The following ESRP1 variants were observed in gnomAD, a reference collection of about 807,000 sequenced individuals.
The protein encoded by ESRP1 is RNA-binding motif protein 35A.
Under a neutral mutation model 81.7 loss-of-function variants are expected in ESRP1, and 33 were observed. The ratio of observed to expected loss-of-function variants is 0.40; its 90% CI spans 0.31 to 0.54. The LOEUF (loss-of-function observed/expected upper bound fraction) is 0.54. ESRP1 is among the 20% of genes least tolerant of loss of function. The probability of loss-of-function intolerance (pLI) is 0.41; values close to 1 mark genes in which losing one functional copy is unlikely to be tolerated. For missense variants in ESRP1, 672 were observed against 833.1 expected (o/e 0.81, Z 2.38); for synonymous variants, 320 against 303.3 (o/e 1.06, Z -0.57).
chr8:94,681,871 T>G (rs1440359191), intron 13 of ESRP1, among the ~76,000 whole-genome samples: 2 of 149,556 alleles, frequency 1.3e-5, no homozygotes, highest in African/African-American at 2.5e-5. Context: ...GAGGCGGTGG[T>G]TGCAGTGAGC....
At chr8:94,677,025 G>A (rs1405130012) in intron 12 of ESRP1, among the ~76,000 whole-genome samples, 2 of 152,010 alleles carry the variant, frequency 1.3e-5, no homozygotes, top group Non-Finnish European at 2.9e-5. Context: ...TATGAGCACA[G>A]GCTGTATAAC....
intron 6 of ESRP1, among the ~76,000 whole-genome samples, chr8:94,663,234 A>G (rs746959110): frequency 2.6e-5 from 4 of 152,224 alleles, no homozygotes; most frequent in East Asian, 1.9e-4. Context: ...CGTACATTCT[A>G]TAAGTACATT....
chr8:94,671,611 C>G lies in ESRP1; in HGVS notation c.1392C>G (p.Phe464Leu). The G allele has an allele frequency of 6.2e-7, 1 of 1,613,916 alleles. No individual in the cohort carries two copies. Among genetic ancestry groups the G allele is most frequent in the Non-Finnish European group, 8.5e-7 (1 of 1,179,878 alleles). ...CCACAATTGAGGACATCCTGGATTT[C>G]CTGGGGGAGTTCGCCACAGATATTC... Reference protein sequence around the residue: ...YAATIEDILDFLGEFATDIRT... With the variant: ...YAATIEDILDLLGEFATDIRT... The change falls in exon 11 of 16, where the codon TTC becomes TTG. Residue 464 changes from phenylalanine (F) to leucine (L), a missense_variant. Physicochemically the swap from Phe to Leu is conservative, Grantham distance 22. Coordinates refer to ENST00000433389, the MANE Select transcript of ESRP1 (RefSeq NM_017697.4).
intron 15 of ESRP1, among the ~76,000 whole-genome samples, chr8:94,699,625 G>A (rs948014568): frequency 6.6e-6 from 1 of 152,124 alleles, no homozygotes; most frequent in African/African-American, 2.4e-5. Flanking sequence ...GGGTGACAAA[G>A]AGCAAGACCC....
rs1338078008 is a variant in ESRP1 at position 94,706,081 on chromosome 8, T to C, written c.*192T>C. ...TATCTTTTGGTGGAGTGAAAAAATT[T>C]GAGCTAGTGAAGCCAAATCGTAACT... is the stretch of plus-strand genomic sequence containing the variant. On this transcript the variant is annotated 3_prime_UTR_variant, in exon 16 of 16. Coordinates refer to ENST00000433389, the MANE Select transcript of ESRP1 (RefSeq NM_017697.4). 9.8e-6 allele frequency: 9 copies of C among 916,784 alleles called. No individual in the cohort carries two copies. The African/African-American group carries it at 1.4e-4, about 14-fold the overall frequency. 56.8% of individuals were successfully genotyped at this position (916,784 alleles called of 1,614,324 possible).
chr8:94,650,901 T>C (rs1277079610), intron 4 of ESRP1, among the ~76,000 whole-genome samples: 4 of 152,040 alleles, frequency 2.6e-5, no homozygotes, highest in African/African-American at 9.7e-5. Flanking sequence ...GAGACGGAGT[T>C]TCACCATGTT....
intron 13 of ESRP1, among the ~76,000 whole-genome samples, chr8:94,690,276 ATTTTTTTTTTT>A (rs373440584): frequency 1.6e-4 from 10 of 61,370 alleles, no homozygotes; most frequent in Admixed American, 1.1e-3. Context: ...TGCCTGGCTA[ATTTTTTTTTTT>A]TTTTTTTTTT....
chr8:94,690,296 TTTTTTTTTGG>T (rs1809344061), intron 13 of ESRP1, among the ~76,000 whole-genome samples: 3 of 105,064 alleles, frequency 2.9e-5, no homozygotes, highest in African/African-American at 1.1e-4. Flanking sequence ...TTTTTTTTTT[TTTTTTTTTGG>T]ATTTTTAGTG....
At chr8:94,650,417 G>C (rs1818066980) in intron 4 of ESRP1, among the ~76,000 whole-genome samples, 1 of 152,120 alleles carries the variant, frequency 6.6e-6, no homozygotes, top group Non-Finnish European at 1.5e-5. Flanking sequence ...GGCTTTTCCA[G>C]GAGGTCATAT....
intron 13 of ESRP1, among the ~76,000 whole-genome samples, chr8:94,690,742 G>A (rs193003189): frequency 1.6e-4 from 25 of 152,182 alleles, no homozygotes; most frequent in East Asian, 5.8e-4. Context: ...TTAGGCAAGT[G>A]GAATAGAATA....
chr8:94,643,286 G>A lies in ESRP1; in HGVS notation c.262-17G>A, dbSNP rs756336113. 3 of 1,521,040 alleles carry A rather than the reference G, an allele frequency of 2.0e-6. No homozygotes were observed. The Admixed American group carries it at 5.0e-5, about 25-fold the overall frequency. 94.2% of individuals were successfully genotyped at this position (1,521,040 alleles called of 1,614,324 possible). On this transcript the variant is annotated splice_polypyrimidine_tract_variant and intron_variant, in intron 2 of 15. Coordinates refer to ENST00000433389, the MANE Select transcript of ESRP1 (RefSeq NM_017697.4). The stretch of plus-strand genomic sequence containing the variant: ...TCGTGCATCAGTTGCATCCCTATGT[G>A]TATCTTGTTCTTGCAGTTTAACCAG...
chr8:94,641,713 C>T, intron 1 of ESRP1: 1 of 742,612 alleles, frequency 1.3e-6, no homozygotes, highest in Non-Finnish European at 2.0e-6. Context: ...GGGGACGCTC[C>T]GCCGAGACGA....
chr8:94,671,731 CTAATA>C lies in ESRP1; in HGVS notation c.1452+62_1452+66del, dbSNP rs1365823816. On this transcript the variant is annotated intron_variant, in intron 11 of 15. Coordinates refer to ENST00000433389, the MANE Select transcript of ESRP1 (RefSeq NM_017697.4). Reference sequence around the variant, plus strand: ...TTTTCTCACTACATATGAGAAATATCTAATATTAGATATTAGATAATCTATTAGAA... The same window carrying C: ...TTTTCTCACTACATATGAGAAATATCTTAGATATTAGATAATCTATTAGAA... 1.2e-5 allele frequency: 14 copies of C among 1,149,042 alleles called. No individual in the cohort carries two copies. The African/African-American group carries it at 1.6e-4, about 13-fold the overall frequency. The allele number at this position is 1,149,042 out of a possible 1,614,324, so 71.2% of individuals were successfully genotyped here.
At chr8:94,703,499 C>T (rs552486201) in intron 15 of ESRP1, among the ~76,000 whole-genome samples, 8 of 152,056 alleles carry the variant, frequency 5.3e-5, no homozygotes, top group African/African-American at 1.7e-4. Flanking sequence ...AAAAACGGTT[C>T]GAGAAGGCTA....
At chr8:94,643,144 G>A (rs1281438976) in intron 2 of ESRP1, among the ~76,000 whole-genome samples, 159 bp from the exon 3 acceptor site, 2 of 152,212 alleles carry the variant, frequency 1.3e-5, no homozygotes, top group African/African-American at 4.8e-5. Flanking sequence ...GAAGCTAGAC[G>A]GTTCGTGGGA....
At chr8:94,674,185 C>G (rs974827469) in intron 11 of ESRP1, 123 bp from the exon 12 acceptor site, 31 of 1,082,954 alleles carry the variant, frequency 2.9e-5, no homozygotes, top group Non-Finnish European at 3.3e-5. Context: ...CACCATCACC[C>G]GGATTTTGTG....
At chr8:94,654,042 G>C (rs1199696148) in intron 4 of ESRP1, among the ~76,000 whole-genome samples, 1 of 152,220 alleles carries the variant, frequency 6.6e-6, no homozygotes, top group East Asian at 1.9e-4. Context: ...ATTTTGGCCT[G>C]GTACAGTGGC....
chr8:94,683,653 C>T (rs925743211), intron 13 of ESRP1, among the ~76,000 whole-genome samples: 6 of 152,046 alleles, frequency 3.9e-5, no homozygotes, highest in Non-Finnish European at 7.4e-5. Flanking sequence ...AATTTAGCAT[C>T]CAATGAAATG....
chr8:94,679,783 C>A (rs7814803), intron 13 of ESRP1, among the ~76,000 whole-genome samples: 1 of 151,788 alleles, frequency 6.6e-6, no homozygotes, highest in Non-Finnish European at 1.5e-5. Context: ...GTAACCGTTA[C>A]TATCAGTTTG....
Sources: allele counts gnomAD v4.1 joint callset (sites outside exome capture counted in the v4.1 genomes callset), GRCh38; gene constraint gnomAD v4.1.1; transcripts MANE v1.5; gene names NCBI Gene and HGNC (gene_info 2026-07-23, HGNC 2026-07-21).